PLCB1: variants seen among roughly 807,000 people sequenced by gnomAD.
PLCB1 encodes 1-phosphatidylinositol 4,5-bisphosphate phosphodiesterase beta-1.
A neutral mutation model predicts 161.8 loss-of-function variants in PLCB1; 46 were observed. That is an observed-to-expected ratio of 0.28 (90% confidence interval 0.22 to 0.36). The LOEUF (loss-of-function observed/expected upper bound fraction) is 0.36, where lower values mean the gene tolerates loss of function less well. Among genes scored for constraint, PLCB1 ranks in the 10% least tolerant of loss-of-function variants. The pLI is 1.00. For synonymous variants in PLCB1, 517 were observed against 503.7 expected (o/e 1.03, Z -0.35); for missense variants, 1,016 against 1,472.5 (o/e 0.69, Z 5.07).
chr20:8,769,050 T>C (rs1435373440), intron 26 of PLCB1, among the ~76,000 whole-genome samples: 2 of 152,216 alleles, frequency 1.3e-5, no homozygotes, highest in Non-Finnish European at 2.9e-5. Context: ...AAATCTTTTC[T>C]TCAAAGTTGA....
chr20:8,810,011 T>C (rs1022617267), intron 31 of PLCB1, among the ~76,000 whole-genome samples: 1 of 152,194 alleles, frequency 6.6e-6, no homozygotes, highest in Non-Finnish European at 1.5e-5. Flanking sequence ...GCCACTTTTT[T>C]TCCTCTAAAA....
chr20:8,667,548 G>C (rs1158202823), intron 9 of PLCB1, among the ~76,000 whole-genome samples: 1 of 152,210 alleles, frequency 6.6e-6, no homozygotes, highest in Admixed American at 6.5e-5. Flanking sequence ...CAAAGGCCTG[G>C]CCTAGGAATT....
chr20:8,741,129 C>T (rs904203498), intron 22 of PLCB1, among the ~76,000 whole-genome samples: 1 of 152,172 alleles, frequency 6.6e-6, no homozygotes, highest in Non-Finnish European at 1.5e-5. Flanking sequence ...CAAAAAGAAA[C>T]TAAGGAATCA....
Position 8,684,516 on chromosome 20 carries a change from A to G in PLCB1, c.863-416A>G, listed in dbSNP as rs556409871. ...TGATCCACACGCCTCAGCCTCCCAA[A>G]GTGCTGGGATTACAGGCCACTTGTA... On this transcript the variant is annotated intron_variant, in intron 9 of 31. Coordinates refer to ENST00000338037, the MANE Select transcript of PLCB1 (RefSeq NM_015192.4). Among the ~76,000 whole-genome samples, 5 of 152,258 alleles carry G rather than the reference A, an allele frequency of 3.3e-5. No individual in the cohort carries two copies. In the South Asian group the frequency reaches 1.0e-3, roughly 32 times the overall value.
At chr20:8,674,415 C>G (rs1288877984) in intron 9 of PLCB1, among the ~76,000 whole-genome samples, 2 of 152,128 alleles carry the variant, frequency 1.3e-5, no homozygotes, top group Admixed American at 6.5e-5. Context: ...GCACTAAGAG[C>G]CTTCCCTAGT....
intron 9 of PLCB1, among the ~76,000 whole-genome samples, chr20:8,659,597 G>C (rs1189183571): frequency 1.3e-5 from 2 of 152,036 alleles, no homozygotes; most frequent in Non-Finnish European, 2.9e-5. Context: ...GCAAGCTTAT[G>C]GTCATCAATA....
intron 3 of PLCB1, among the ~76,000 whole-genome samples, chr20:8,482,092 ATTTTTTTTTTTTT>A (rs199634903): frequency 0.17 from 17,798 of 105,190 alleles, 1,345 homozygotes; most frequent in Admixed American, 0.28. Context: ...GCTTGAAGGA[ATTTTTTTTTTTTT>A]TTTTTTTTTT....
chr20:8,187,473 T>G (rs1045919891), intron 2 of PLCB1, among the ~76,000 whole-genome samples: 10 of 152,192 alleles, frequency 6.6e-5, no homozygotes, highest in African/African-American at 2.4e-4. Flanking sequence ...AGTTCTAATT[T>G]GGTTCATAGA....
chr20:8,716,317 C>G lies in PLCB1; in HGVS notation c.1304C>G (p.Ala435Gly). Residue 435 changes from alanine (A) to glycine (G), a missense_variant, in exon 13 of 32, where the codon GCC (alanine) becomes GGC (glycine). Around this residue, in one of 10 missense-constraint regions of PLCB1, gnomAD observed 56 missense variants for 126.3 expected, o/e 0.44. Coordinates refer to ENST00000338037, the MANE Select transcript of PLCB1 (RefSeq NM_015192.4). ...AEYCRLIFGDALLMEPLEKYP... is the reference protein window; with the variant it reads ...AEYCRLIFGDGLLMEPLEKYP... ...TACTGCCGACTGATCTTTGGGGATG[C>G]CCTTCTCATGGAGCCCCTGGAAAAA... 6.2e-7 allele frequency: 1 copy of G among 1,613,932 alleles called. No homozygotes were observed. The highest frequency in any genetic ancestry group is 1.3e-5 in the African/African-American group (1 of 75,042).
intron 3 of PLCB1, among the ~76,000 whole-genome samples, chr20:8,453,153 A>G (rs8123804): frequency 0.015 from 2,281 of 152,340 alleles, 60 homozygotes; most frequent in African/African-American, 0.052. Flanking sequence ...GCTCATTCCA[A>G]AAACTACTCT....
chr20:8,678,142 A>G (rs1990131791), intron 9 of PLCB1, among the ~76,000 whole-genome samples: 1 of 152,230 alleles, frequency 6.6e-6, no homozygotes, highest in African/African-American at 2.4e-5. Flanking sequence ...AGCAAATGAT[A>G]AAACAAGATA....
intron 3 of PLCB1, among the ~76,000 whole-genome samples, chr20:8,393,661 T>G (rs1009197833): frequency 3.9e-5 from 6 of 152,186 alleles, no homozygotes; most frequent in African/African-American, 1.4e-4. Context: ...TGGGAAATGC[T>G]AAGGGTTCCT....
chr20:8,629,931 T>C, intron 4 of PLCB1, among the ~76,000 whole-genome samples: 1 of 149,836 alleles, frequency 6.7e-6, no homozygotes, highest in Admixed American at 6.7e-5. Context: ...CCTCTCTTCT[T>C]TCCTTTCTTT....
At chr20:8,235,584 T>C (rs1446161311) in intron 2 of PLCB1, among the ~76,000 whole-genome samples, 1 of 152,118 alleles carries the variant, frequency 6.6e-6, no homozygotes, top group Non-Finnish European at 1.5e-5. Flanking sequence ...AGCATGTCTC[T>C]AAATTGGGAG....
At chr20:8,559,932 TCTTC>T (rs1189839121) in intron 3 of PLCB1, among the ~76,000 whole-genome samples, 1 of 152,016 alleles carries the variant, frequency 6.6e-6, no homozygotes, top group African/African-American at 2.4e-5. Context: ...TACCTTTCTT[TCTTC>T]CTTCCTTCTT....
intron 2 of PLCB1, among the ~76,000 whole-genome samples, chr20:8,297,892 G>GGTT (rs1555796224): frequency 5.3e-5 from 7 of 132,700 alleles, no homozygotes; most frequent in Non-Finnish European, 6.6e-5. Context: ...TTCTTTTTGG[G>GGTT]TTTTTTTTTT....
chr20:8,684,690 G>A (rs1329535364), intron 9 of PLCB1, among the ~76,000 whole-genome samples: 2 of 152,168 alleles, frequency 1.3e-5, no homozygotes, highest in African/African-American at 4.8e-5. Flanking sequence ...ACAGGAGGTT[G>A]GTGTTTATTT....
intron 19 of PLCB1, among the ~76,000 whole-genome samples, chr20:8,734,557 A>T (rs1265295589): frequency 6.6e-6 from 1 of 151,956 alleles, no homozygotes; most frequent in Non-Finnish European, 1.5e-5. Context: ...TCATAAATAT[A>T]TAAAAATCAT....
chr20:8,145,620 T>G, intron 1 of PLCB1, among the ~76,000 whole-genome samples: 1 of 152,204 alleles, frequency 6.6e-6, no homozygotes, highest in South Asian at 2.1e-4. Context: ...ATAAACTGCC[T>G]TGCTGGAATT....
Sources: allele counts gnomAD v4.1 joint callset (sites outside exome capture counted in the v4.1 genomes callset), GRCh38; gene constraint gnomAD v4.1.1; regional missense constraint gnomAD v4.1.1; transcripts MANE v1.5; gene names NCBI Gene and HGNC (gene_info 2026-07-23, HGNC 2026-07-21).